Variants in ADORA2B observed in about 807,000 individuals in gnomAD.
ADORA2B encodes adenosine receptor A2b.
In ADORA2B, 18 loss-of-function variants were observed where a neutral mutation model predicts 20.8. The observed-to-expected ratio is 0.87, with a 90% CI of 0.60 to 1.29. ADORA2B has a LOEUF of 1.29. Among genes scored for constraint, ADORA2B ranks in the 50% most tolerant of loss-of-function variants. The pLI is 0.00. For synonymous variants in ADORA2B, 179 were observed against 178.3 expected, an observed-to-expected ratio of 1.00 and a Z score of -0.03; for missense variants, 441 against 422.7, an observed-to-expected ratio of 1.04 and a Z score of -0.38.
the ADORA2B span, among the ~76,000 whole-genome samples, chr17:15,916,204 TTA>T: frequency 2.5e-3 from 378 of 152,290 alleles, 23 homozygotes; most frequent in South Asian, 0.077. Flanking sequence ...CTGCAGGCTG[TTA>T]TGTGTCCTGG....
chr17:15,971,566 A>AAG (rs1461367769), intron 1 of ADORA2B, among the ~76,000 whole-genome samples: 1 of 152,100 alleles, frequency 6.6e-6, no homozygotes, highest in African/African-American at 2.4e-5. Flanking sequence ...TAGTAAGTAG[A>AAG]ATCTTTCTTT....
chr17:15,857,815 A>G, the ADORA2B span, among the ~76,000 whole-genome samples: 1 of 152,116 alleles, frequency 6.6e-6, no homozygotes, highest in African/African-American at 2.4e-5. Context: ...GTGGACTAAT[A>G]CACTCACATA....
intron 1 of ADORA2B, among the ~76,000 whole-genome samples, chr17:15,973,674 C>T (rs1464575043): frequency 1.3e-5 from 2 of 152,202 alleles, no homozygotes; most frequent in African/African-American, 4.8e-5. Context: ...ATGCATCACC[C>T]CCCGCCCCTG....
At chr17:15,900,487 G>A in the ADORA2B span, among the ~76,000 whole-genome samples, 10 of 151,336 alleles carry the variant, frequency 6.6e-5, no homozygotes, top group East Asian at 1.9e-4. Flanking sequence ...TTGCCCTGTC[G>A]CCCAGGCTGA....
At chr17:15,862,131 T>C in the ADORA2B span, among the ~76,000 whole-genome samples, 2,441 of 152,102 alleles carry the variant, frequency 0.016, 33 homozygotes, top group South Asian at 0.048. Context: ...GTCAAAACTT[T>C]CATGAAGTTA....
At position 15,975,230 on chromosome 17, in the gene ADORA2B, A is replaced by G. The variant is rs200741295; in HGVS notation, c.887A>G (p.Asp296Gly). ...NPIVYAYRNR[D>G]FRYTFHKIIS... Reference sequence around the variant, plus strand: ...ATTGTCTATGCTTACCGGAACCGAGACTTCCGCTACACTTTTCACAAAATT... The same window carrying G: ...ATTGTCTATGCTTACCGGAACCGAGGCTTCCGCTACACTTTTCACAAAATT... Residue 296 changes from aspartate (D) to glycine (G), a missense_variant, in exon 2 of 2, where the codon GAC (aspartate) becomes GGC (glycine). Asp to Gly is a moderately conservative substitution (Grantham distance 94). Transcript: ENST00000304222. 97 of 1,613,954 alleles carry G rather than the reference A, an allele frequency of 6.0e-5. 1 individual carries two copies. In the South Asian group the frequency reaches 9.9e-4, roughly 16 times the overall value.
intron 1 of ADORA2B, among the ~76,000 whole-genome samples, chr17:15,967,137 G>T (rs900867446): frequency 3.3e-5 from 5 of 152,162 alleles, no homozygotes; most frequent in African/African-American, 1.2e-4. Flanking sequence ...AGGAGAGGGC[G>T]TGGCAGGTGG....
At chr17:15,890,403 T>C in the ADORA2B span, among the ~76,000 whole-genome samples, 1 of 76,000 alleles carries the variant, frequency 1.3e-5, no homozygotes, top group Admixed American at 1.2e-4. Flanking sequence ...TATATACTGG[T>C]TTTAATTTTG....
At chr17:15,877,374 C>T in the ADORA2B span, among the ~76,000 whole-genome samples, 2 of 152,158 alleles carry the variant, frequency 1.3e-5, no homozygotes, top group Admixed American at 6.5e-5. Context: ...TGACCCCTGC[C>T]TGGGCCTGTG....
At chr17:15,945,918 G>A (rs748757348) in intron 1 of ADORA2B, among the ~76,000 whole-genome samples, 9 of 152,164 alleles carry the variant, frequency 5.9e-5, no homozygotes, top group African/African-American at 9.6e-5. Context: ...CCCGTGGGCG[G>A]GTGGAGCCCG....
chr17:15,923,179 C>T, the ADORA2B span, among the ~76,000 whole-genome samples: 10 of 148,422 alleles, frequency 6.7e-5, no homozygotes, highest in South Asian at 2.1e-4. Context: ...CCTGCCACCA[C>T]GCCTGGCTAA....
the ADORA2B span, among the ~76,000 whole-genome samples, chr17:15,868,235 G>A: frequency 1.5e-5 from 2 of 136,536 alleles, 1 homozygote; most frequent in East Asian, 4.2e-4. Flanking sequence ...CAAACACTGC[G>A]GAAGGCTGCA....
In ADORA2B at chr17:15,945,162, T is replaced by C; in HGVS notation, c.-87T>C. On this transcript the variant is annotated 5_prime_UTR_variant, in exon 1 of 2. Coordinates refer to ENST00000304222, the MANE Select transcript of ADORA2B (RefSeq NM_000676.4). ...GCAGGCGGAGGCGCGGTCCGGGCGC[T>C]ATGGCCATGCCCGGCGGGTCTCACG... 1 of 1,185,552 alleles carries C rather than the reference T, an allele frequency of 8.4e-7. No homozygotes were observed. The highest frequency in any genetic ancestry group is 1.1e-6 in the Non-Finnish European group (1 of 918,438). The allele number at this position is 1,185,552 out of a possible 1,614,324, so 73.4% of individuals were successfully genotyped here.
At chr17:15,912,994 A>T in the ADORA2B span, among the ~76,000 whole-genome samples, 1 of 152,194 alleles carries the variant, frequency 6.6e-6, no homozygotes, top group Admixed American at 6.5e-5. Context: ...TCAGATGGTG[A>T]TGGAGAGAAA....
At chr17:15,960,796 A>AACCTG (rs1970025588) in intron 1 of ADORA2B, among the ~76,000 whole-genome samples, 1 of 151,058 alleles carries the variant, frequency 6.6e-6, no homozygotes, top group African/African-American at 2.4e-5. Context: ...GAATGGCGTG[A>AACCTG]GTCCAGGAGA....
the ADORA2B span, among the ~76,000 whole-genome samples, chr17:15,856,929 G>A: frequency 1.3e-5 from 2 of 152,146 alleles, no homozygotes; most frequent in East Asian, 1.9e-4. Context: ...ACAAGGAGCC[G>A]AATGTTAATC....
At chr17:15,969,267 A>G (rs891715723) in intron 1 of ADORA2B, among the ~76,000 whole-genome samples, 5 of 151,970 alleles carry the variant, frequency 3.3e-5, no homozygotes, top group Non-Finnish European at 7.4e-5. Context: ...TGGCTAACAC[A>G]GTGAAAACCC....
At chr17:15,974,362 A>G in intron 1 of ADORA2B, 1 of 263,666 alleles carries the variant, frequency 3.8e-6, no homozygotes, top group Non-Finnish European at 7.2e-6. Context: ...TTCAAGTCAC[A>G]GTTTGAGAAC....
intron 1 of ADORA2B, among the ~76,000 whole-genome samples, chr17:15,970,984 G>A (rs538944000): frequency 3.9e-5 from 6 of 152,312 alleles, no homozygotes; most frequent in Middle Eastern, 3.4e-3. Flanking sequence ...TTTCCTGGAG[G>A]TCCCTAGCAG....
Sources: allele counts gnomAD v4.1 joint callset (sites outside exome capture counted in the v4.1 genomes callset), GRCh38; gene constraint gnomAD v4.1.1; transcripts MANE v1.5; gene names NCBI Gene and HGNC (gene_info 2026-07-23, HGNC 2026-07-21).